Variants in RBM23 observed in about 807,000 individuals in gnomAD.
The protein encoded by RBM23 is probable RNA-binding protein 23.
Under a neutral mutation model 56.2 loss-of-function variants are expected in RBM23, and 53 were observed. The ratio of observed to expected loss-of-function variants is 0.94; its 90% confidence interval spans 0.76 to 1.19. The LOEUF (loss-of-function observed/expected upper bound fraction) is 1.19. Among genes scored for constraint, RBM23 ranks in the 50% most tolerant of loss-of-function variants. The probability of loss-of-function intolerance (pLI) is 0.00; values close to 1 mark genes in which losing one functional copy is unlikely to be tolerated. For missense variants in RBM23, 642 were observed against 590.3 expected, an observed-to-expected ratio of 1.09 and a Z score of -0.91; for synonymous variants, 197 against 198.5, an observed-to-expected ratio of 0.99 and a Z score of 0.06.
rs1392520727 is a variant in RBM23, at chr14:22,902,000, A to C, written c.1226T>G (p.Leu409Arg). 1 of 1,611,824 alleles carries C rather than the reference A, an allele frequency of 6.2e-7. No individual in the cohort carries two copies. Among genetic ancestry groups the C allele is most frequent in the Non-Finnish European group, 8.5e-7 (1 of 1,178,434 alleles). ...ACTACCAGTCAGAGCTGCTGGATTCAGGGCCCCCAAGGGAACTGCTCCATT... is the reference window on the plus strand; with the variant it reads ...ACTACCAGTCAGAGCTGCTGGATTCCGGGCCCCCAAGGGAACTGCTCCATT... ...QLNGAVPLGA[L>R]NPAALTALSP... The change falls in exon 12 of 14, where the codon CTG becomes CGG. Residue 409 changes from leucine to arginine, a missense_variant. Transcript: ENST00000359890.
intron 1 of RBM23, 26 bp from the exon 2 acceptor site, chr14:22,911,429 G>A (rs1236402070): frequency 1.3e-6 from 2 of 1,578,498 alleles, no homozygotes; most frequent in Admixed American, 1.7e-5. Context: ...TAATATGTAA[G>A]AATCTGTTTT....
Position 22,901,444 on chromosome 14 carries a change from C to A in RBM23, c.*286G>T. The stretch of plus-strand genomic sequence containing the variant: ...GGAATCACTAAGGTGTTGGAAAGGG[C>A]AAGAAGGTAATCTCAGAGACGATAC... On this transcript the variant is annotated 3_prime_UTR_variant, in exon 14 of 14. Transcript: ENST00000359890. 3.6e-6 allele frequency: 2 copies of A among 559,790 alleles called. No individual in the cohort carries two copies. Among genetic ancestry groups the A allele is most frequent in the Non-Finnish European group, 6.4e-6 (2 of 313,830 alleles). The allele number at this position is 559,790 out of a possible 1,614,324, so 34.7% of individuals were successfully genotyped here. A position where few individuals can be genotyped will look rare whatever the true frequency, so the allele number is the denominator to read the frequency against.
chr14:22,907,633 A>G (rs1018266640), intron 4 of RBM23, among the ~76,000 whole-genome samples: 2 of 152,238 alleles, frequency 1.3e-5, no homozygotes, highest in Admixed American at 6.5e-5. Flanking sequence ...TTCACGATAA[A>G]AAGTAATGAT....
Position 22,899,798 on chromosome 14 carries a change from GT to G in RBM23, c.*1931del, listed in dbSNP as rs1223179849. On this transcript the variant is annotated 3_prime_UTR_variant, in exon 14 of 14. Coordinates refer to ENST00000359890, the MANE Select transcript of RBM23 (RefSeq NM_001077351.2). Reference sequence around the variant, plus strand: ...AGGCTTCAAGTATTTAAATGATTTTGTGTTAAAAGCAACCCCAGAGGCTAAC... The same window carrying G: ...AGGCTTCAAGTATTTAAATGATTTTGGTTAAAAGCAACCCCAGAGGCTAAC... 1 of 152,216 alleles carries G rather than the reference GT, an allele frequency of 6.6e-6. No individual in the cohort carries two copies. The highest frequency in any genetic ancestry group is 1.5e-5 in the Non-Finnish European group (1 of 68,040). 9.4% of individuals were successfully genotyped at this position (152,216 alleles called of 1,614,324 possible).
chr14:22,916,803 G>A (rs2043590567), intron 1 of RBM23, among the ~76,000 whole-genome samples: 1 of 152,054 alleles, frequency 6.6e-6, no homozygotes, highest in East Asian at 1.9e-4. Flanking sequence ...TCTGAGGCAT[G>A]TACAGTGTAT....
intron 10 of RBM23, chr14:22,903,988 C>A: frequency 7.2e-7 from 1 of 1,386,162 alleles, no homozygotes; most frequent in Non-Finnish European, 9.4e-7. Context: ...AGCCTGGTTA[C>A]TATTACCCAA....
rs1330814715 is a variant in RBM23 at position 22,893,674 on chromosome 14, T to G, written c.*8056A>C. ...GAGCAAATGCACAGAGAAGAAACAGTGGGCAGCCCACCACATGAGGAAAAG... is the reference window on the plus strand; with the variant it reads ...GAGCAAATGCACAGAGAAGAAACAGGGGGCAGCCCACCACATGAGGAAAAG... On this transcript the variant is annotated 3_prime_UTR_variant, in exon 14 of 14. Transcript: ENST00000359890. The G allele has an allele frequency of 1.3e-5, 2 of 152,080 alleles. No homozygotes were observed. The highest frequency in any genetic ancestry group is 2.9e-5 in the Non-Finnish European group (2 of 68,020). 9.4% of individuals were successfully genotyped at this position (152,080 alleles called of 1,614,324 possible).
At position 22,908,390 on chromosome 14, in the gene RBM23, A is replaced by G; in HGVS notation, c.180-10T>C. 2 of 1,545,868 alleles carry G rather than the reference A, an allele frequency of 1.3e-6. No homozygotes were observed. Reference sequence around the variant, plus strand: ...CCGACTCCTCTTCTTCCTGTGAAAGAGAGTACATTCTTCTTTTTTTTTTTT... The same window carrying G: ...CCGACTCCTCTTCTTCCTGTGAAAGGGAGTACATTCTTCTTTTTTTTTTTT... On this transcript the variant is annotated splice_polypyrimidine_tract_variant and intron_variant, in intron 3 of 13. Transcript: ENST00000359890.
Position 22,911,413 on chromosome 14 carries a change from G to C in RBM23, c.-10-10C>G. On this transcript the variant is annotated splice_polypyrimidine_tract_variant and intron_variant, in intron 1 of 13. Transcript: ENST00000359890. ...TGCCATCCTGTCAGATCTGGGGAGA[G>C]GATATTAATATGTAAGAATCTGTTT... 6.2e-7 allele frequency: 1 copy of C among 1,605,138 alleles called. No homozygotes were observed. Among genetic ancestry groups the C allele is most frequent in the Non-Finnish European group, 8.5e-7 (1 of 1,173,208 alleles).
intron 1 of RBM23, among the ~76,000 whole-genome samples, chr14:22,913,082 T>C (rs913995777): frequency 3.0e-5 from 4 of 135,490 alleles, no homozygotes; most frequent in African/African-American, 1.1e-4. Flanking sequence ...TGCCTAGGGA[T>C]AGAAGTAAGG....
At chr14:22,911,620 A>G in intron 1 of RBM23, 1 of 356,744 alleles carries the variant, frequency 2.8e-6, no homozygotes, top group Non-Finnish European at 5.3e-6. Flanking sequence ...GGCTTGGAAC[A>G]GTCAAGGATA....
intron 1 of RBM23, among the ~76,000 whole-genome samples, chr14:22,918,005 C>CATG (rs1240500803): frequency 6.6e-6 from 1 of 152,192 alleles, no homozygotes; most frequent in Non-Finnish European, 1.5e-5. Flanking sequence ...TGGGCACAAA[C>CATG]ACCTACAAAC....
At position 22,906,360 on chromosome 14, in the gene RBM23, C is replaced by T. The variant is rs756330345; in HGVS notation, c.236G>A (p.Arg79Gln). Residue 79 changes from arginine to glutamine, a missense_variant, in exon 5 of 14, where the codon CGA (arginine) becomes CAA (glutamine). By Grantham distance (43) the Arg-to-Gln change is conservative. Transcript: ENST00000359890. ...KSRDRKRSRS[R>Q]DRDRYRRRNS... Reference sequence around the variant, plus strand: ...TCTCCGTCTATACCGATCCCGATCTCGACTACGACTACAGAGGGAAACAAC... The same window carrying T: ...TCTCCGTCTATACCGATCCCGATCTTGACTACGACTACAGAGGGAAACAAC... 28 of 1,613,944 alleles carry T rather than the reference C, an allele frequency of 1.7e-5. No homozygotes were observed. The highest frequency in any genetic ancestry group is 1.1e-4 in the South Asian group (10 of 91,082).
chr14:22,905,437 GATT>G lies in RBM23; in HGVS notation c.469_471del (p.Asn157del). 6.2e-7 allele frequency: 1 copy of G among 1,614,190 alleles called. No homozygotes were observed. Among genetic ancestry groups the G allele is most frequent in the Non-Finnish European group, 8.5e-7 (1 of 1,180,024 alleles). ...CGGGCATCACGCTCCTCAGGACTCA[GATT>G]ATCAACTGGCTCCCTGAAGAGTGAA... On this transcript the variant is annotated inframe_deletion, in exon 7 of 14. Transcript: ENST00000359890.
intron 1 of RBM23, among the ~76,000 whole-genome samples, chr14:22,915,976 T>C (rs1456552504): frequency 1.3e-5 from 2 of 152,202 alleles, no homozygotes; most frequent in African/African-American, 2.4e-5. Flanking sequence ...CTCAGCACTT[T>C]GGGAAGCTAA....
intron 3 of RBM23, 98 bp from the exon 4 acceptor site, chr14:22,908,478 C>T (rs2041944541): frequency 5.1e-6 from 7 of 1,376,392 alleles, no homozygotes; most frequent in Middle Eastern, 2.3e-4. Context: ...CTGCAACCTC[C>T]GCCTTCCAGG....
intron 2 of RBM23, among the ~76,000 whole-genome samples, chr14:22,910,450 C>CA (rs546748436): frequency 0.021 from 1,524 of 71,070 alleles, 31 homozygotes; most frequent in African/African-American, 0.048. Flanking sequence ...AACTTCATCT[C>CA]AAAAAAAAAA....
intron 3 of RBM23, among the ~76,000 whole-genome samples, chr14:22,909,115 G>A (rs547118727): frequency 6.6e-6 from 1 of 152,166 alleles, no homozygotes; most frequent in African/African-American, 2.4e-5. Flanking sequence ...GCTAATTTTT[G>A]TATTTTTAGT....
intron 10 of RBM23, 196 bp downstream of exon 10, chr14:22,904,065 C>T: frequency 1.3e-6 from 2 of 1,515,604 alleles, no homozygotes; most frequent in Non-Finnish European, 1.8e-6. Flanking sequence ...GGGCCACTGA[C>T]AGAGTGTAGG....
Sources: gnomAD v4.1 joint callset for allele counts (sites outside exome capture counted in the v4.1 genomes callset) on GRCh38, gnomAD v4.1.1 for gene constraint, MANE v1.5 for transcripts, NCBI Gene and HGNC (gene_info 2026-07-23, HGNC 2026-07-21) for gene names.